The following FRAS1 variants were observed in gnomAD, a reference collection of about 807,000 sequenced individuals.
FRAS1 encodes Fraser extracellular matrix complex subunit 1.
In FRAS1, 290 loss-of-function variants were observed where a neutral mutation model predicts 435.2. The observed-to-expected ratio is 0.67, with a 90% CI of 0.61 to 0.73. The LOEUF (loss-of-function observed/expected upper bound fraction) is 0.73. Among genes scored for constraint, FRAS1 ranks in the 30% least tolerant of loss-of-function variants. The pLI is 0.00. For synonymous variants in FRAS1, 1,800 were observed against 1,851.0 expected, an observed-to-expected ratio of 0.97 and a Z score of 0.71; for missense variants, 4,860 against 5,001.5, an observed-to-expected ratio of 0.97 and a Z score of 0.85.
In FRAS1 at chr4:78,540,701, T is replaced by G. The variant is rs1294613955; in HGVS notation, c.11616T>G (p.Asn3872Lys). ...TTGATGATTCCCTCATCTATGACAA[T>G]GAAGGAGACCAAGTCAAGAATGGCA... ...LILDDSLIYDNEGDQVKNGTN... is the reference protein window; with the variant it reads ...LILDDSLIYDKEGDQVKNGTN... Residue 3872 changes from asparagine (N) to lysine (K), a missense_variant, in exon 74 of 74, where the codon AAT (asparagine) becomes AAG (lysine). By Grantham distance (94) the Asn-to-Lys change is moderately conservative. Transcript: ENST00000512123. 1 of 1,613,736 alleles carries G rather than the reference T, an allele frequency of 6.2e-7. No individual in the cohort carries two copies. The highest frequency in any genetic ancestry group is 2.2e-5 in the East Asian group (1 of 44,872).
At chr4:78,229,400 T>C (rs543774435) in intron 2 of FRAS1, among the ~76,000 whole-genome samples, 2 of 151,916 alleles carry the variant, frequency 1.3e-5, no homozygotes, top group South Asian at 2.1e-4. Flanking sequence ...GGTAGTGGAA[T>C]ATTTACTTGG....
At chr4:78,290,140 T>G (rs1039106757) in intron 14 of FRAS1, among the ~76,000 whole-genome samples, 3 of 152,070 alleles carry the variant, frequency 2.0e-5, no homozygotes, top group African/African-American at 7.2e-5. Context: ...ACACGCACCA[T>G]GTAAGATTAT....
intron 41 of FRAS1, chr4:78,444,339 A>T (rs1325100268): frequency 9.9e-6 from 2 of 201,786 alleles, no homozygotes; most frequent in Non-Finnish European, 2.1e-5. Context: ...TGTTGCCTAG[A>T]GGAATAAAAT....
rs1241444175 is a variant in FRAS1 at position 78,540,561 on chromosome 4, G to A, written c.11476G>A (p.Val3826Ile). The A allele has an allele frequency of 6.0e-6, 9 of 1,511,354 alleles. No homozygotes were observed. The highest frequency in any genetic ancestry group is 8.0e-6 in the Non-Finnish European group (9 of 1,130,778). The allele number at this position is 1,511,354 out of a possible 1,614,324, so 93.6% of individuals were successfully genotyped here. A position where few individuals can be genotyped will look rare whatever the true frequency, so the allele number is the denominator to read the frequency against. ...VEAGHQWYLQ[V>I]IYIIGPDTIS... ...AGCAGGACACCAGTGGTATCTCCAG[G>A]TCATCTACATCATTGGCCCTGACAC... Residue 3826 changes from valine (V) to isoleucine (I), a missense_variant, in exon 74 of 74, where the codon GTC becomes ATC. Physicochemically the swap from Val to Ile is conservative, Grantham distance 29. Transcript: ENST00000512123.
intron 30 of FRAS1, among the ~76,000 whole-genome samples, chr4:78,401,377 C>T (rs901680241): frequency 1.1e-4 from 16 of 152,192 alleles, no homozygotes; most frequent in African/African-American, 3.9e-4. Flanking sequence ...CCATTATCAT[C>T]ACCCAGAAAT....
chr4:78,412,032 T>C (rs1032619244), intron 31 of FRAS1, among the ~76,000 whole-genome samples: 1 of 152,212 alleles, frequency 6.6e-6, no homozygotes, highest in Non-Finnish European at 1.5e-5. Flanking sequence ...GAGCCCATAA[T>C]AGATGATGAG....
In FRAS1 at chr4:78,479,647, T is replaced by C; in HGVS notation, c.8372T>C (p.Leu2791Pro). ...RIGRVATAKV[L>P]ISGPNDASTV... ...GGAAGGGTGGCGACAGCCAAGGTGC[T>C]CATTAGTGGTCCCAACGATGCCTCG... Residue 2791 changes from leucine to proline, a missense_variant, in exon 56 of 74, where the codon CTC (leucine) becomes CCC (proline). Coordinates refer to ENST00000512123, the MANE Select transcript of FRAS1 (RefSeq NM_025074.7). 6.2e-7 allele frequency: 1 copy of C among 1,613,642 alleles called. No individual in the cohort carries two copies. The highest frequency in any genetic ancestry group is 8.5e-7 in the Non-Finnish European group (1 of 1,179,638).
chr4:78,360,750 G>A (rs6814410), intron 20 of FRAS1, among the ~76,000 whole-genome samples: 68,441 of 151,904 alleles, frequency 0.45, 16,789 homozygotes, highest in Non-Finnish European at 0.55. Flanking sequence ...CCATAACCTG[G>A]CTCCAGCTTC....
At chr4:78,126,382 A>T (rs576550252) in intron 2 of FRAS1, among the ~76,000 whole-genome samples, 1 of 152,328 alleles carries the variant, frequency 6.6e-6, no homozygotes, top group East Asian at 1.9e-4. Context: ...CCCACCCTGC[A>T]TCGGCTTGCC....
At chr4:78,116,412 C>G (rs962908839) in intron 2 of FRAS1, among the ~76,000 whole-genome samples, 8 of 152,082 alleles carry the variant, frequency 5.3e-5, no homozygotes, top group Non-Finnish European at 5.9e-5. Context: ...GTTGATCTGT[C>G]TAATGTTGAC....
At chr4:78,094,291 G>A (rs777929296) in intron 2 of FRAS1, among the ~76,000 whole-genome samples, 1 of 151,832 alleles carries the variant, frequency 6.6e-6, no homozygotes, top group Non-Finnish European at 1.5e-5. Context: ...GAAAATGTTG[G>A]CAAATGATTG....
intron 2 of FRAS1, among the ~76,000 whole-genome samples, chr4:78,078,416 T>G (rs1470985483): frequency 1.3e-5 from 2 of 152,188 alleles, no homozygotes; most frequent in African/African-American, 4.8e-5. Flanking sequence ...AGTTAGTATA[T>G]TCTCTGACTG....
chr4:78,511,415 G>C lies in FRAS1; in HGVS notation c.9922G>C (p.Val3308Leu), dbSNP rs765201957. 6.2e-7 allele frequency: 1 copy of C among 1,613,928 alleles called. No individual in the cohort carries two copies. Among genetic ancestry groups the C allele is most frequent in the East Asian group, 2.2e-5 (1 of 44,862 alleles). ...AGACAGTGCTATCTGCCACACACCA[G>C]TGGTGGCTGGGACATCCAGAGGCTT... Reference protein sequence around the residue: ...GTDSAICHTPVVAGTSRGFQA... With the variant: ...GTDSAICHTPLVAGTSRGFQA... The change falls in exon 64 of 74, where the codon GTG (valine) becomes CTG (leucine). Residue 3308 changes from valine to leucine, a missense_variant. Coordinates refer to ENST00000512123, the MANE Select transcript of FRAS1 (RefSeq NM_025074.7).
chr4:78,205,921 G>T (rs1002842647), intron 2 of FRAS1, among the ~76,000 whole-genome samples: 8 of 152,028 alleles, frequency 5.3e-5, no homozygotes, highest in Non-Finnish European at 1.5e-5. Context: ...GAGGAAAAGG[G>T]TCTGTTGGGT....
intron 52 of FRAS1, 119 bp downstream of exon 52, chr4:78,472,449 G>A: frequency 1.2e-6 from 1 of 847,362 alleles, no homozygotes; most frequent in East Asian, 2.8e-5. Flanking sequence ...CCACTTTGCA[G>A]AGATCTTCTA....
At chr4:78,215,889 T>C (rs1723746511) in intron 2 of FRAS1, among the ~76,000 whole-genome samples, 1 of 152,250 alleles carries the variant, frequency 6.6e-6, no homozygotes, top group Admixed American at 6.5e-5. Context: ...CTTTTGGCTA[T>C]TGTGAATAAT....
Position 78,245,256 on chromosome 4 carries a change from C to T in FRAS1, c.240C>T (p.Ala80=). The stretch of plus-strand genomic sequence containing the variant: ...AGGGAGAAGTGCTTCAAATAGCTGC[C>T]AACCAATGCTGTCCTGAGTGTGTTT... ...FEKGEVLQIA[A]NQCCPECVLR... Residue 80 remains alanine (A), a synonymous_variant, in exon 4 of 74, where the codon GCC becomes GCT. Transcript: ENST00000512123. The T allele has an allele frequency of 6.2e-7, 1 of 1,608,240 alleles. No homozygotes were observed. The highest frequency in any genetic ancestry group is 2.2e-5 in the East Asian group (1 of 44,802).
chr4:78,127,537 G>C (rs984945636), intron 2 of FRAS1, among the ~76,000 whole-genome samples: 2 of 152,078 alleles, frequency 1.3e-5, no homozygotes, highest in Non-Finnish European at 2.9e-5. Flanking sequence ...AGATATTTAA[G>C]AAGTAAGGTC....
intron 4 of FRAS1, among the ~76,000 whole-genome samples, chr4:78,247,039 C>A (rs562213969): frequency 5.9e-5 from 9 of 152,300 alleles, no homozygotes; most frequent in African/African-American, 2.2e-4. Flanking sequence ...ATTAGTAAAT[C>A]TTTTCTCCAA....
Sources: gnomAD v4.1 joint callset for allele counts (sites outside exome capture counted in the v4.1 genomes callset) on GRCh38, gnomAD v4.1.1 for gene constraint, MANE v1.5 for transcripts, NCBI Gene and HGNC (gene_info 2026-07-23, HGNC 2026-07-21) for gene names.